Variants in BCL2 observed in about 807,000 individuals in gnomAD.
BCL2 encodes the protein apoptosis regulator Bcl-2.
Under a neutral mutation model 14.2 loss-of-function variants are expected in BCL2, and 1 was observed. That is an observed-to-expected ratio of 0.07 (90% CI 0.02 to 0.33). The LOEUF (loss-of-function observed/expected upper bound fraction) is 0.33, where lower values mean the gene tolerates loss of function less well. BCL2 is among the 10% of genes least tolerant of loss of function. The pLI is 0.99. For synonymous variants in BCL2, 151 were observed against 137.2 expected, an observed-to-expected ratio of 1.10 and a Z score of -0.70; for missense variants, 247 against 305.9, an observed-to-expected ratio of 0.81 and a Z score of 1.44.
At chr18:63,263,143 TG>T (rs1434259717) in intron 2 of BCL2, among the ~76,000 whole-genome samples, 1 of 152,186 alleles carries the variant, frequency 6.6e-6, no homozygotes, top group Admixed American at 6.5e-5. Context: ...GACGGTGAGC[TG>T]ACCTATCCCC....
At chr18:63,212,957 G>A (rs1467743881) in intron 2 of BCL2, among the ~76,000 whole-genome samples, 2 of 152,158 alleles carry the variant, frequency 1.3e-5, no homozygotes, top group Non-Finnish European at 2.9e-5. Context: ...TGTGAGAGAG[G>A]AAAAACATAA....
chr18:63,155,349 A>C (rs535813835), intron 2 of BCL2, among the ~76,000 whole-genome samples: 1 of 152,318 alleles, frequency 6.6e-6, no homozygotes, highest in Admixed American at 6.5e-5. Context: ...CAAAGGTGAG[A>C]AACTGTACAG....
chr18:63,251,526 T>A (rs1283359989), intron 2 of BCL2, among the ~76,000 whole-genome samples: 1 of 150,648 alleles, frequency 6.6e-6, no homozygotes, highest in Non-Finnish European at 1.5e-5. Context: ...GCGCCTGTAG[T>A]CCCAGCTACT....
At chr18:63,251,073 T>G (rs756641905) in intron 2 of BCL2, among the ~76,000 whole-genome samples, 16 of 151,860 alleles carry the variant, frequency 1.1e-4, no homozygotes, top group Non-Finnish European at 2.1e-4. Context: ...TATTTAATAA[T>G]GTAGGTGCAC....
intron 2 of BCL2, among the ~76,000 whole-genome samples, chr18:63,312,964 G>A (rs371143162): frequency 4.7e-4 from 72 of 152,270 alleles, no homozygotes; most frequent in African/African-American, 1.7e-3. Flanking sequence ...ATATGTCTAC[G>A]TTACACAGTA....
At chr18:63,210,029 G>A (rs1909957051) in intron 2 of BCL2, among the ~76,000 whole-genome samples, 1 of 152,218 alleles carries the variant, frequency 6.6e-6, no homozygotes, top group South Asian at 2.1e-4. Context: ...TGGTGTGGTG[G>A]AGGGTGGCAG....
intron 2 of BCL2, among the ~76,000 whole-genome samples, chr18:63,190,915 A>C (rs1363277672): frequency 1.3e-5 from 2 of 152,056 alleles, no homozygotes; most frequent in African/African-American, 4.8e-5. Context: ...ATGTGTTCTC[A>C]TTGTTCAGCT....
chr18:63,193,569 C>T (rs149421631), intron 2 of BCL2, among the ~76,000 whole-genome samples: 33 of 146,908 alleles, frequency 2.2e-4, no homozygotes, highest in African/African-American at 5.6e-4. Flanking sequence ...ATTCTTAAGG[C>T]GGAGTAGTAT....
chr18:63,178,704 G>A (rs762817731), intron 2 of BCL2, among the ~76,000 whole-genome samples: 5 of 152,106 alleles, frequency 3.3e-5, no homozygotes, highest in Non-Finnish European at 7.4e-5. Context: ...GGTGCCAAGA[G>A]TGGGCCCCAG....
At chr18:63,266,403 C>T (rs1477258787) in intron 2 of BCL2, among the ~76,000 whole-genome samples, 1 of 151,576 alleles carries the variant, frequency 6.6e-6, no homozygotes, top group Non-Finnish European at 1.5e-5. Context: ...GAAAGATACA[C>T]AGGGCATGGG....
At position 63,297,840 on chromosome 18, in the gene BCL2, C is replaced by A. The variant is rs142531254; in HGVS notation, c.585+20242G>T. Among the ~76,000 whole-genome samples the A allele has an allele frequency of 8.1e-3, 1,230 of 152,286 alleles. 7 individuals carry two copies. The highest frequency in any genetic ancestry group is 0.013 in the Non-Finnish European group (896 of 68,016). On this transcript the variant is annotated intron_variant, in intron 2 of 2. Transcript: ENST00000333681. ...CCATTCCTTCGCAAGCCACCTTTAACCTGCCTCTCTGTGGACTTGCCTGGC... is the reference window on the plus strand; with the variant it reads ...CCATTCCTTCGCAAGCCACCTTTAAACTGCCTCTCTGTGGACTTGCCTGGC...
At chr18:63,159,890 C>T (rs1914876404) in intron 2 of BCL2, among the ~76,000 whole-genome samples, 1 of 152,222 alleles carries the variant, frequency 6.6e-6, no homozygotes, top group Non-Finnish European at 1.5e-5. Context: ...TTTCTGCTGG[C>T]CAACTCGAAT....
intron 2 of BCL2, among the ~76,000 whole-genome samples, chr18:63,146,292 C>T (rs1012031388): frequency 6.6e-6 from 1 of 152,246 alleles, no homozygotes; most frequent in African/African-American, 2.4e-5. Context: ...GCAGCCGCAG[C>T]CAGGGCTTGG....
At chr18:63,285,108 C>T (rs1027453428) in intron 2 of BCL2, among the ~76,000 whole-genome samples, 2 of 152,226 alleles carry the variant, frequency 1.3e-5, no homozygotes, top group Non-Finnish European at 2.9e-5. Flanking sequence ...CCTGCAGCTG[C>T]ACCACCCAAG....
At chr18:63,130,047 G>T (rs979916504) in intron 2 of BCL2, among the ~76,000 whole-genome samples, 2 of 152,180 alleles carry the variant, frequency 1.3e-5, no homozygotes, top group African/African-American at 2.4e-5. Flanking sequence ...GTAGTGTGTT[G>T]TAGCAAAGTC....
intron 2 of BCL2, among the ~76,000 whole-genome samples, chr18:63,193,570 G>A (rs887282613): frequency 2.7e-5 from 4 of 147,440 alleles, no homozygotes; most frequent in East Asian, 4.1e-4. Context: ...TTCTTAAGGC[G>A]GAGTAGTATG....
intron 2 of BCL2, among the ~76,000 whole-genome samples, chr18:63,202,128 G>A (rs1251773123): frequency 6.6e-6 from 1 of 152,050 alleles, no homozygotes; most frequent in Non-Finnish European, 1.5e-5. Context: ...GGCGAACATG[G>A]TGAAACCCTG....
chr18:63,190,656 G>A (rs1479370352), intron 2 of BCL2, among the ~76,000 whole-genome samples: 2 of 152,156 alleles, frequency 1.3e-5, no homozygotes, highest in African/African-American at 4.8e-5. Context: ...GAAACCATGG[G>A]CCTGCCCCAG....
intron 2 of BCL2, among the ~76,000 whole-genome samples, chr18:63,178,194 C>T (rs1390397525): frequency 1.3e-5 from 2 of 152,166 alleles, no homozygotes; most frequent in African/African-American, 4.8e-5. Context: ...AATGACACCG[C>T]GTAAGGGATT....
Sources: gnomAD v4.1 joint callset for allele counts (sites outside exome capture counted in the v4.1 genomes callset) on GRCh38, gnomAD v4.1.1 for gene constraint, MANE v1.5 for transcripts, NCBI Gene and HGNC (gene_info 2026-07-23, HGNC 2026-07-21) for gene names.